Variants in CTIF observed in about 807,000 individuals in gnomAD.
CTIF encodes the protein cap binding complex dependent translation initiation factor.
Under a neutral mutation model 66.0 loss-of-function variants are expected in CTIF, and 21 were observed. The observed-to-expected ratio is 0.32, with a 90% CI of 0.23 to 0.46. CTIF has a LOEUF of 0.46. CTIF is among the 20% of genes least tolerant of loss of function. The probability of loss-of-function intolerance (pLI) is 1.00; values close to 1 mark genes in which losing one functional copy is unlikely to be tolerated. For synonymous variants in CTIF, 345 were observed against 326.4 expected, an observed-to-expected ratio of 1.06 and a Z score of -0.62; for missense variants, 739 against 812.7, an observed-to-expected ratio of 0.91 and a Z score of 1.10.
At chr18:48,548,986 A>AT (rs149460912) in intron 1 of CTIF, among the ~76,000 whole-genome samples, 13,729 of 148,898 alleles carry the variant, frequency 0.092, 734 homozygotes, top group Middle Eastern at 0.17. Flanking sequence ...ATGACTGTGA[A>AT]TTTTTTTTTT....
chr18:48,609,375 G>A (rs1480358825), intron 1 of CTIF, among the ~76,000 whole-genome samples: 1 of 152,240 alleles, frequency 6.6e-6, no homozygotes, highest in Non-Finnish European at 1.5e-5. Flanking sequence ...GGCAGAGGTA[G>A]GAGAGAATGC....
chr18:48,833,216 G>C (rs1317187006), intron 10 of CTIF, among the ~76,000 whole-genome samples: 2 of 152,190 alleles, frequency 1.3e-5, no homozygotes, highest in African/African-American at 4.8e-5. Context: ...TAGATGAGGT[G>C]CGGCTGGCTG....
At chr18:48,560,922 G>A (rs1231466373) in intron 1 of CTIF, among the ~76,000 whole-genome samples, 2 of 152,042 alleles carry the variant, frequency 1.3e-5, no homozygotes, top group Admixed American at 6.5e-5. Flanking sequence ...TCTTCTACTT[G>A]CAGTCTTTTG....
In CTIF at chr18:48,646,405, A is replaced by AT. The variant is rs538598361; in HGVS notation, c.252+9728dup. ...TACTCCAATCAGAATGGTTAAAATA[A>AT]TTTTTTTTAAAGTGACAATGTCCAC... On this transcript the variant is annotated intron_variant, in intron 3 of 11. Transcript: ENST00000256413. Among the ~76,000 whole-genome samples the AT allele has an allele frequency of 5.0e-4, 76 of 151,428 alleles. 1 individual carries two copies. The South Asian group carries it at 0.015, about 30-fold the overall frequency.
At chr18:48,542,582 G>A (rs2088646508) in intron 1 of CTIF, among the ~76,000 whole-genome samples, 1 of 152,230 alleles carries the variant, frequency 6.6e-6, no homozygotes, top group Non-Finnish European at 1.5e-5. Context: ...ACTTAGGCCA[G>A]ATACTCTGCT....
intron 10 of CTIF, among the ~76,000 whole-genome samples, chr18:48,856,300 T>A (rs2069326706): frequency 6.6e-6 from 1 of 152,168 alleles, no homozygotes; most frequent in South Asian, 2.1e-4. Context: ...CCCTCATGCA[T>A]TGCTAGTGAG....
At chr18:48,725,461 C>T (rs1355417884) in intron 7 of CTIF, among the ~76,000 whole-genome samples, 1 of 152,126 alleles carries the variant, frequency 6.6e-6, no homozygotes, top group Non-Finnish European at 1.5e-5. Flanking sequence ...GGAGACAGCC[C>T]CGGTGTATTT....
At chr18:48,569,544 G>T (rs1408960660) in intron 1 of CTIF, among the ~76,000 whole-genome samples, 1 of 152,094 alleles carries the variant, frequency 6.6e-6, no homozygotes, top group Non-Finnish European at 1.5e-5. Flanking sequence ...TCATAACAGG[G>T]TTCCTTTAAA....
intron 9 of CTIF, among the ~76,000 whole-genome samples, chr18:48,812,985 A>G (rs992202055): frequency 2.0e-5 from 3 of 149,162 alleles, no homozygotes; most frequent in Middle Eastern, 3.2e-3. Context: ...TCCACTCTCT[A>G]TCTTCTCTAT....
chr18:48,714,321 C>T (rs913838308), intron 7 of CTIF, among the ~76,000 whole-genome samples: 7 of 152,152 alleles, frequency 4.6e-5, no homozygotes, highest in African/African-American at 1.7e-4. Context: ...GGAGAAGTGA[C>T]CAGAATCAGA....
At chr18:48,545,600 T>C (rs902292276) in intron 1 of CTIF, among the ~76,000 whole-genome samples, 1 of 152,120 alleles carries the variant, frequency 6.6e-6, no homozygotes, top group African/African-American at 2.4e-5. Context: ...AGGTGCGAAC[T>C]TCTGGTTGCT....
chr18:48,759,331 C>CT (rs1402273171), intron 8 of CTIF, among the ~76,000 whole-genome samples: 1 of 152,136 alleles, frequency 6.6e-6, no homozygotes, highest in Admixed American at 6.5e-5. Flanking sequence ...ATGTTCTGGG[C>CT]TTCTCCTCCA....
chr18:48,760,240 T>TGCA (rs1908845142), intron 8 of CTIF: 1 of 147,420 alleles, frequency 6.8e-6, no homozygotes, highest in Non-Finnish European at 1.5e-5. Flanking sequence ...CAGGCTGGAG[T>TGCA]GCAGTGGCCC....
intron 7 of CTIF, among the ~76,000 whole-genome samples, chr18:48,753,601 C>CA (rs397858285): frequency 0.17 from 24,466 of 143,812 alleles, 2,081 homozygotes; most frequent in Non-Finnish European, 0.19. Flanking sequence ...TTCCATTCTC[C>CA]AAAAAAAAAA....
At position 48,803,936 on chromosome 18, in the gene CTIF, G is replaced by A. The variant is rs561849586; in HGVS notation, c.1372-13285G>A. 4.6e-5 allele frequency among the ~76,000 whole-genome samples: 7 copies of A among 152,316 alleles called. No individual in the cohort carries two copies. The East Asian group carries it at 5.8e-4, about 13-fold the overall frequency. On this transcript the variant is annotated intron_variant, in intron 9 of 11. Transcript: ENST00000256413. Reference sequence around the variant, plus strand: ...CAGACAAGGGAGAGAGGGGAGAGAAGGGAGGACCAGCCCTGGGGTTGCTGT... The same window carrying A: ...CAGACAAGGGAGAGAGGGGAGAGAAAGGAGGACCAGCCCTGGGGTTGCTGT...
At chr18:48,827,657 C>T (rs1438485837) in intron 10 of CTIF, among the ~76,000 whole-genome samples, 1 of 140,990 alleles carries the variant, frequency 7.1e-6, no homozygotes, top group East Asian at 2.3e-4. Flanking sequence ...CTGGAATGTT[C>T]CTCTGAGAAT....
At chr18:48,827,697 C>T (rs1388649181) in intron 10 of CTIF, among the ~76,000 whole-genome samples, 1 of 152,188 alleles carries the variant, frequency 6.6e-6, no homozygotes, top group Non-Finnish European at 1.5e-5. Context: ...GTACCCAGCC[C>T]CTGGGCACTG....
At chr18:48,707,254 A>G (rs2145443701) in intron 6 of CTIF, among the ~76,000 whole-genome samples, 1 of 152,364 alleles carries the variant, frequency 6.6e-6, no homozygotes, top group African/African-American at 2.4e-5. Context: ...CCCATTTACC[A>G]TTCAAGGGAT....
intron 2 of CTIF, among the ~76,000 whole-genome samples, chr18:48,633,256 T>A (rs549318781): frequency 2.0e-5 from 3 of 152,192 alleles, no homozygotes; most frequent in Non-Finnish European, 2.9e-5. Context: ...CTGTGTGCCT[T>A]GGATGTCTCC....
Sources: allele counts gnomAD v4.1 joint callset (sites outside exome capture counted in the v4.1 genomes callset), GRCh38; gene constraint gnomAD v4.1.1; transcripts MANE v1.5; gene names NCBI Gene and HGNC (gene_info 2026-07-23, HGNC 2026-07-21).